The following CEP112 variants were observed in gnomAD, a reference collection of about 807,000 sequenced individuals.
CEP112 encodes centrosomal protein 112.
CEP112 carries 127 observed loss-of-function variants against 153.0 expected under a neutral mutation model. The observed-to-expected ratio is 0.83, with a 90% CI of 0.72 to 0.96. The LOEUF is 0.96. Among genes scored for constraint, CEP112 ranks in the 40% least tolerant of loss-of-function variants. CEP112 has a pLI of 0.00. For missense variants in CEP112, 1,089 were observed against 1,101.2 expected (o/e 0.99, Z 0.16); for synonymous variants, 358 against 374.4 (o/e 0.96, Z 0.51).
intron 6 of CEP112, among the ~76,000 whole-genome samples, chr17:66,128,769 C>T (rs1037660520): frequency 9.2e-5 from 14 of 151,778 alleles, no homozygotes; most frequent in Non-Finnish European, 1.8e-4. Flanking sequence ...AATATCCATC[C>T]GAAAGAAAAA....
chr17:66,129,881 G>C (rs994921678), intron 5 of CEP112, 58 bp from the exon 6 acceptor site: 16 of 1,048,076 alleles, frequency 1.5e-5, no homozygotes, highest in Admixed American at 4.1e-5. Context: ...AGAAATAAAA[G>C]GAAAAGATGG....
At chr17:65,963,127 C>T (rs2062274827) in intron 17 of CEP112, among the ~76,000 whole-genome samples, 1 of 152,102 alleles carries the variant, frequency 6.6e-6, no homozygotes, top group African/African-American at 2.4e-5. Flanking sequence ...TTCTAGAGTT[C>T]CTGTTGTTGG....
rs1046987903 is a variant in CEP112, at chr17:65,636,157, C to T, written c.2865-183G>A. On this transcript the variant is annotated intron_variant, in intron 26 of 26. Transcript: ENST00000535342. ...CCTACACCGAGCAAACAGAATCTTT[C>T]GAAAAATGTGTGATTCACAAGATCT... is the stretch of plus-strand genomic sequence containing the variant. Among the ~76,000 whole-genome samples the T allele has an allele frequency of 4.6e-5, 7 of 152,310 alleles. 1 individual carries two copies. The South Asian group carries it at 1.2e-3, about 27-fold the overall frequency.
At chr17:66,073,922 T>C (rs2067390170) in intron 8 of CEP112, among the ~76,000 whole-genome samples, 1 of 151,914 alleles carries the variant, frequency 6.6e-6, no homozygotes, top group Admixed American at 6.6e-5. Flanking sequence ...GTAATAAAGA[T>C]GCACCAAAAA....
At chr17:65,691,167 G>A (rs547873223) in intron 23 of CEP112, among the ~76,000 whole-genome samples, 19 of 148,794 alleles carry the variant, frequency 1.3e-4, no homozygotes, top group African/African-American at 5.0e-4. Flanking sequence ...GGCAGGTGTT[G>A]GGGGAGAGGA....
At chr17:66,032,958 G>A (rs35362716) in intron 12 of CEP112, among the ~76,000 whole-genome samples, 62,524 of 151,990 alleles carry the variant, frequency 0.41, 14,322 homozygotes, top group East Asian at 0.87. Flanking sequence ...AAATAACATC[G>A]CTGGTTCAAT....
intron 21 of CEP112, among the ~76,000 whole-genome samples, chr17:65,767,502 G>A (rs1217005246): frequency 1.3e-5 from 2 of 149,934 alleles, no homozygotes; most frequent in East Asian, 2.0e-4. Context: ...TAAACCCAAA[G>A]TTAGCAGAAG....
intron 17 of CEP112, among the ~76,000 whole-genome samples, chr17:65,963,665 A>G (rs1026997014): frequency 6.9e-6 from 1 of 144,608 alleles, no homozygotes; most frequent in Non-Finnish European, 1.5e-5. Context: ...AGATATAGAT[A>G]TAGATAGGGG....
At chr17:65,969,039 G>A (rs941305417) in intron 17 of CEP112, among the ~76,000 whole-genome samples, 48 of 151,010 alleles carry the variant, frequency 3.2e-4, no homozygotes, top group African/African-American at 1.2e-3. Context: ...CTGCAAAAAT[G>A]ATTAAGACAT....
At chr17:65,840,804 CA>C (rs1057223229) in intron 21 of CEP112, among the ~76,000 whole-genome samples, 1 of 151,576 alleles carries the variant, frequency 6.6e-6, no homozygotes, top group Non-Finnish European at 1.5e-5. Context: ...AACTCAACAG[CA>C]AAAAAACAAA....
chr17:66,111,450 C>T (rs578101255), intron 6 of CEP112, among the ~76,000 whole-genome samples: 3 of 152,216 alleles, frequency 2.0e-5, no homozygotes, highest in African/African-American at 7.2e-5. Flanking sequence ...ATCGAATCAA[C>T]CTAAATGCCC....
chr17:65,807,410 TG>T (rs2055672348), intron 21 of CEP112, among the ~76,000 whole-genome samples: 4 of 152,182 alleles, frequency 2.6e-5, no homozygotes, highest in Non-Finnish European at 1.5e-5. Flanking sequence ...AACCCATTTT[TG>T]GGGGAGAGAT....
intron 20 of CEP112, among the ~76,000 whole-genome samples, chr17:65,880,912 A>G (rs1029178700): frequency 1.3e-5 from 2 of 152,174 alleles, no homozygotes; most frequent in Admixed American, 1.3e-4. Flanking sequence ...AAAGCCTATA[A>G]TTATGATAAA....
At chr17:66,074,085 T>C (rs1217135495) in intron 8 of CEP112, among the ~76,000 whole-genome samples, 2 of 151,916 alleles carry the variant, frequency 1.3e-5, no homozygotes, top group Non-Finnish European at 2.9e-5. Flanking sequence ...ATTCAAAAAT[T>C]AAAGGAAAAT....
chr17:65,836,866 T>C (rs1178154432), intron 21 of CEP112, among the ~76,000 whole-genome samples: 2 of 134,758 alleles, frequency 1.5e-5, no homozygotes, highest in African/African-American at 5.5e-5. Flanking sequence ...GAGGCTGGAC[T>C]GTACTGCCGC....
intron 21 of CEP112, among the ~76,000 whole-genome samples, chr17:65,780,995 T>G (rs1435561786): frequency 2.6e-5 from 4 of 152,136 alleles, no homozygotes; most frequent in Non-Finnish European, 5.9e-5. Flanking sequence ...TAAAATATAT[T>G]TGCACTAAGC....
intron 21 of CEP112, among the ~76,000 whole-genome samples, chr17:65,767,503 T>G (rs1598515111): frequency 6.7e-6 from 1 of 150,314 alleles, no homozygotes; most frequent in East Asian, 2.0e-4. Context: ...AAACCCAAAG[T>G]TAGCAGAAGG....
chr17:65,932,150 A>G (rs912347669), intron 18 of CEP112, among the ~76,000 whole-genome samples: 2 of 152,200 alleles, frequency 1.3e-5, no homozygotes, highest in East Asian at 1.9e-4. Flanking sequence ...CTGACTTCAT[A>G]TAACAGGCAG....
intron 16 of CEP112, among the ~76,000 whole-genome samples, chr17:66,017,620 T>G (rs552930430): frequency 6.6e-6 from 1 of 152,142 alleles, no homozygotes; most frequent in East Asian, 1.9e-4. Context: ...GTGGGTGACA[T>G]AAGTAAACAC....
Sources: gnomAD v4.1 joint callset for allele counts (sites outside exome capture counted in the v4.1 genomes callset) on GRCh38, gnomAD v4.1.1 for gene constraint, MANE v1.5 for transcripts, NCBI Gene and HGNC (gene_info 2026-07-23, HGNC 2026-07-21) for gene names.